Variants in ENAH observed in about 807,000 individuals in gnomAD.
The protein encoded by ENAH is protein enabled homolog.
ENAH carries 23 observed loss-of-function variants against 78.7 expected under a neutral mutation model. The observed-to-expected ratio is 0.29, with a 90% CI of 0.21 to 0.41. The LOEUF is 0.41. Ranked by LOEUF, ENAH falls within the 10% of genes least tolerant of loss-of-function variation. ENAH has a pLI of 1.00. For missense variants in ENAH, 544 were observed against 691.0 expected (o/e 0.79, Z 2.39); for synonymous variants, 226 against 241.0 (o/e 0.94, Z 0.58).
At chr1:225,652,552 A>C in intron 1 of ENAH, 134 bp downstream of exon 1, 1 of 1,055,520 alleles carries the variant, frequency 9.5e-7, no homozygotes, top group Non-Finnish European at 1.2e-6. Flanking sequence ...CAAAAGGCGG[A>C]GGGGGGAGGA....
At chr1:225,590,890 A>G (rs1441924670) in intron 1 of ENAH, among the ~76,000 whole-genome samples, 1 of 152,242 alleles carries the variant, frequency 6.6e-6, no homozygotes, top group Non-Finnish European at 1.5e-5. Context: ...AAGCATCTAA[A>G]TATTACCTAG....
At chr1:225,504,392 T>A (rs1225347790) in intron 11 of ENAH, among the ~76,000 whole-genome samples, 2 of 152,186 alleles carry the variant, frequency 1.3e-5, no homozygotes, top group African/African-American at 4.8e-5. Context: ...TAAGTCCCTA[T>A]TCTGTCAAAT....
At chr1:225,503,658 CAAAAAAAAA>C (rs10683254) in intron 11 of ENAH, among the ~76,000 whole-genome samples, 1 of 82,948 alleles carries the variant, frequency 1.2e-5, no homozygotes, top group Non-Finnish European at 2.2e-5. Flanking sequence ...CAAACCACCT[CAAAAAAAAA>C]AAAAAAAAAA....
chr1:225,582,830 TG>T (rs1558854889), intron 1 of ENAH, among the ~76,000 whole-genome samples: 2 of 152,170 alleles, frequency 1.3e-5, no homozygotes, highest in African/African-American at 4.8e-5. Context: ...CATATTAATA[TG>T]TGTAAGAGTC....
intron 1 of ENAH, among the ~76,000 whole-genome samples, chr1:225,634,646 T>A (rs999525747): frequency 2.0e-5 from 3 of 152,226 alleles, no homozygotes; most frequent in African/African-American, 7.2e-5. Flanking sequence ...GAATATCATT[T>A]CCCTAGTGTC....
rs2096660093 is a variant in ENAH, at chr1:225,555,194, C to T, written c.172-111G>A. On this transcript the variant is annotated intron_variant, in intron 2 of 13. Coordinates refer to ENST00000366843, the MANE Select transcript of ENAH (RefSeq NM_018212.6). The stretch of plus-strand genomic sequence containing the variant: ...CAAATGTGTTCCTAACAGACCTTGG[C>T]AAAAATTGCTTAAACAATTATCTGG... 5.7e-6 allele frequency: 5 copies of T among 884,360 alleles called. 1 individual carries two copies. The African/African-American group carries it at 8.3e-5, about 15-fold the overall frequency. 54.8% of individuals were successfully genotyped at this position (884,360 alleles called of 1,614,324 possible). A position where few individuals can be genotyped will look rare whatever the true frequency, so the allele number is the denominator to read the frequency against.
At chr1:225,544,511 T>C (rs1325825686) in intron 3 of ENAH, among the ~76,000 whole-genome samples, 1 of 152,210 alleles carries the variant, frequency 6.6e-6, no homozygotes, top group Admixed American at 6.5e-5. Flanking sequence ...ATAGTGTCTG[T>C]ATGACAACAA....
rs1032016755 is a variant in ENAH at position 225,645,457 on chromosome 1, T to C, written c.5+7229A>G. On this transcript the variant is annotated intron_variant, in intron 1 of 13. Transcript: ENST00000366843. ...CATGAAATCAGACACACCTGGGTTA[T>C]TTCTGCTTTTTGGCTGTTATGAATA... 2.6e-5 allele frequency among the ~76,000 whole-genome samples: 4 copies of C among 152,214 alleles called. No homozygotes were observed. The East Asian group carries it at 7.7e-4, about 29-fold the overall frequency.
At chr1:225,648,034 G>A (rs1359567337) in intron 1 of ENAH, among the ~76,000 whole-genome samples, 1 of 152,064 alleles carries the variant, frequency 6.6e-6, no homozygotes, top group Non-Finnish European at 1.5e-5. Context: ...CATGTTAGGG[G>A]CAAGTCAAGG....
rs1381542261 is a variant in ENAH, at chr1:225,490,134, G to A, written c.*7641C>T. On this transcript the variant is annotated 3_prime_UTR_variant, in exon 14 of 14. Transcript: ENST00000366843. ...CTGGTAAAGTCAGTCCCAGTCCAAT[G>A]ACCTGCCCACAACTCCACACACAAA... The A allele has an allele frequency of 6.6e-6, 1 of 152,052 alleles. No homozygotes were observed. The highest frequency in any genetic ancestry group is 1.5e-5 in the Non-Finnish European group (1 of 68,032). The allele number at this position is 152,052 out of a possible 1,614,324, so 9.4% of individuals were successfully genotyped here.
At chr1:225,594,522 G>A (rs889934082) in intron 1 of ENAH, among the ~76,000 whole-genome samples, 16 of 152,098 alleles carry the variant, frequency 1.1e-4, no homozygotes, top group Admixed American at 3.3e-4. Context: ...GTCTCCAAGC[G>A]CCACAGAACT....
At chr1:225,568,007 A>G (rs1029218168) in intron 1 of ENAH, among the ~76,000 whole-genome samples, 1 of 152,160 alleles carries the variant, frequency 6.6e-6, no homozygotes, top group African/African-American at 2.4e-5. Flanking sequence ...CAGTGTAACT[A>G]AATTCCTCAT....
chr1:225,539,116 T>C (rs990660780), intron 3 of ENAH, among the ~76,000 whole-genome samples: 1 of 152,232 alleles, frequency 6.6e-6, no homozygotes. Flanking sequence ...AGAGCTCTTA[T>C]CTGTTCAGTT....
At chr1:225,521,852 G>A (rs1020446823) in intron 4 of ENAH, among the ~76,000 whole-genome samples, 1 of 151,786 alleles carries the variant, frequency 6.6e-6, no homozygotes, top group African/African-American at 2.4e-5. Context: ...CTGGAGTACA[G>A]CCATGCAATC....
At chr1:225,644,295 T>A (rs1486263963) in intron 1 of ENAH, among the ~76,000 whole-genome samples, 2 of 152,202 alleles carry the variant, frequency 1.3e-5, no homozygotes, top group Admixed American at 1.3e-4. Flanking sequence ...CAACAGTAAT[T>A]GATTTATTTT....
At chr1:225,523,752 G>A (rs1363195037) in intron 4 of ENAH, among the ~76,000 whole-genome samples, 1 of 152,038 alleles carries the variant, frequency 6.6e-6, no homozygotes, top group Non-Finnish European at 1.5e-5. Context: ...CTCATGTTTT[G>A]ACCTCTAAAG....
chr1:225,624,712 C>G (rs1158452718), intron 1 of ENAH, among the ~76,000 whole-genome samples: 1 of 152,036 alleles, frequency 6.6e-6, no homozygotes, highest in Non-Finnish European at 1.5e-5. Flanking sequence ...GGTCTGTAAT[C>G]TTAGCTACAA....
intron 1 of ENAH, among the ~76,000 whole-genome samples, chr1:225,615,026 GCCCTCTCCCCGGTCT>G (rs2097017182): frequency 7.1e-6 from 1 of 141,684 alleles, no homozygotes; most frequent in South Asian, 2.5e-4. Flanking sequence ...TCCCTCTGAT[GCCCTCTCCCCGGTCT>G]CCCTCTCCCT....
chr1:225,607,139 G>A (rs1048599919), intron 1 of ENAH, among the ~76,000 whole-genome samples: 2 of 152,134 alleles, frequency 1.3e-5, no homozygotes, highest in Non-Finnish European at 2.9e-5. Flanking sequence ...TAGATCAGGA[G>A]TGTGCAATCT....
Sources: allele counts gnomAD v4.1 joint callset (sites outside exome capture counted in the v4.1 genomes callset), GRCh38; gene constraint gnomAD v4.1.1; transcripts MANE v1.5; gene names NCBI Gene and HGNC (gene_info 2026-07-23, HGNC 2026-07-21).